Variants in CDK14 observed in about 807,000 individuals in gnomAD.
The protein encoded by CDK14 is cyclin-dependent kinase 14.
CDK14 carries 34 observed loss-of-function variants against 60.7 expected under a neutral mutation model. The ratio of observed to expected loss-of-function variants is 0.56; its 90% CI spans 0.43 to 0.75. The LOEUF is 0.75. Among genes scored for constraint, CDK14 ranks in the 30% least tolerant of loss-of-function variants. CDK14 has a pLI of 0.00. For synonymous variants in CDK14, 197 were observed against 203.7 expected, an observed-to-expected ratio of 0.97 and a Z score of 0.28; for missense variants, 482 against 564.1, an observed-to-expected ratio of 0.85 and a Z score of 1.47.
chr7:90,856,247 A>G (rs1790812710), intron 5 of CDK14, among the ~76,000 whole-genome samples: 1 of 152,114 alleles, frequency 6.6e-6, no homozygotes, highest in Non-Finnish European at 1.5e-5. Flanking sequence ...TTTTAACCTT[A>G]CGTTTAGAGT....
intron 10 of CDK14, among the ~76,000 whole-genome samples, chr7:91,022,452 G>C (rs963035520): frequency 8.5e-5 from 13 of 152,130 alleles, no homozygotes; most frequent in African/African-American, 2.9e-4. Flanking sequence ...AATATCTTCA[G>C]TATATTTTAC....
chr7:90,625,775 T>C (rs1388820673), intron 2 of CDK14, among the ~76,000 whole-genome samples: 1 of 152,174 alleles, frequency 6.6e-6, no homozygotes, highest in Non-Finnish European at 1.5e-5. Context: ...ATGGGATTGT[T>C]CCCCCGGCCA....
chr7:90,729,309 TACTGG>T (rs1802758981), intron 3 of CDK14, among the ~76,000 whole-genome samples: 1 of 148,166 alleles, frequency 6.7e-6, no homozygotes, highest in African/African-American at 2.4e-5. Flanking sequence ...ACTTATTTCT[TACTGG>T]CTTATGCCTT....
chr7:90,991,510 A>G (rs1274900725), intron 10 of CDK14, among the ~76,000 whole-genome samples: 4 of 152,010 alleles, frequency 2.6e-5, no homozygotes, highest in Non-Finnish European at 5.9e-5. Context: ...GAAAAAGAAA[A>G]TCACTCCCTG....
At chr7:90,703,355 C>T (rs1801830146) in intron 2 of CDK14, among the ~76,000 whole-genome samples, 1 of 152,158 alleles carries the variant, frequency 6.6e-6, no homozygotes, top group South Asian at 2.1e-4. Flanking sequence ...GGATCTTCTC[C>T]ATGCTACACA....
At chr7:90,750,153 A>AACAC (rs3138824) in intron 4 of CDK14, among the ~76,000 whole-genome samples, 1,448 of 131,380 alleles carry the variant, frequency 0.011, 7 homozygotes, top group African/African-American at 0.015. Context: ...GGGGAAAGAA[A>AACAC]ACACACACAC....
intron 11 of CDK14, among the ~76,000 whole-genome samples, chr7:91,077,734 T>G (rs1000784707): frequency 3.7e-5 from 4 of 109,528 alleles, no homozygotes; most frequent in African/African-American, 1.5e-4. Context: ...TATACTTATT[T>G]CACTTTTATA....
At chr7:90,651,030 C>A (rs1452036314) in intron 2 of CDK14, among the ~76,000 whole-genome samples, 2 of 152,130 alleles carry the variant, frequency 1.3e-5, no homozygotes, top group African/African-American at 2.4e-5. Flanking sequence ...GGCATTGAAT[C>A]TATAAATTAC....
chr7:90,852,765 G>GC (rs1414903756), intron 5 of CDK14, among the ~76,000 whole-genome samples: 1 of 151,998 alleles, frequency 6.6e-6, no homozygotes. Context: ...GGCAGAGCTC[G>GC]CTCAGGGCTG....
chr7:90,636,807 T>C (rs1220878296), intron 2 of CDK14, among the ~76,000 whole-genome samples: 1 of 152,242 alleles, frequency 6.6e-6, no homozygotes, highest in Non-Finnish European at 1.5e-5. Context: ...TGCCGCAATT[T>C]TGGATCCTGT....
chr7:90,742,704 G>A (rs933662892), intron 3 of CDK14, among the ~76,000 whole-genome samples: 2 of 151,432 alleles, frequency 1.3e-5, no homozygotes, highest in African/African-American at 4.8e-5. Context: ...TTATGTATTG[G>A]TTTGGCTGCA....
chr7:90,765,767 AGT>A (rs2116875128), intron 4 of CDK14, among the ~76,000 whole-genome samples: 1 of 152,264 alleles, frequency 6.6e-6, no homozygotes, highest in Non-Finnish European at 1.5e-5. Flanking sequence ...AAAGGGGAGA[AGT>A]GTTTTGTGTT....
At chr7:91,000,490 G>T (rs533655720) in intron 10 of CDK14, among the ~76,000 whole-genome samples, 1 of 152,298 alleles carries the variant, frequency 6.6e-6, no homozygotes, top group Admixed American at 6.5e-5. Flanking sequence ...TTATAACATT[G>T]GGATAGGATT....
chr7:90,726,796 A>G lies in CDK14; in HGVS notation c.353A>G (p.His118Arg), dbSNP rs187133761. ...AAAGAGTCACCTAAAGTTAGGCGGC[A>G]CTCCAGCCCCAGCTCGGTAAGTGCA... The part of the protein sequence containing the change: ...TGKESPKVRR[H>R]SSPSSPTSPK... Residue 118 changes from histidine (H) to arginine (R), a missense_variant, in exon 3 of 15, where the codon CAC (histidine) becomes CGC (arginine). By Grantham distance (29) the His-to-Arg change is conservative. Coordinates refer to ENST00000380050, the MANE Select transcript of CDK14 (RefSeq NM_001287135.2). The G allele has an allele frequency of 6.2e-7, 1 of 1,613,520 alleles. No homozygotes were observed. Among genetic ancestry groups the G allele is most frequent in the Admixed American group, 1.7e-5 (1 of 59,944 alleles).
chr7:90,734,356 G>T (rs1802998002), intron 3 of CDK14, among the ~76,000 whole-genome samples: 1 of 152,152 alleles, frequency 6.6e-6, no homozygotes, highest in South Asian at 2.1e-4. Context: ...ATGTTGTCCT[G>T]CCTTGCTAGG....
chr7:90,641,488 G>T (rs1800331094), intron 2 of CDK14, among the ~76,000 whole-genome samples: 1 of 152,152 alleles, frequency 6.6e-6, no homozygotes, highest in Admixed American at 6.5e-5. Flanking sequence ...AGTGAACTTT[G>T]ATAACATTAT....
chr7:90,767,579 G>C (rs902958589), intron 4 of CDK14, among the ~76,000 whole-genome samples: 27 of 152,044 alleles, frequency 1.8e-4, no homozygotes, highest in African/African-American at 6.5e-4. Context: ...TTTTGGACAA[G>C]GTTTTCTATT....
At chr7:90,972,869 A>C (rs910223528) in intron 9 of CDK14, among the ~76,000 whole-genome samples, 9 of 152,206 alleles carry the variant, frequency 5.9e-5, no homozygotes, top group Non-Finnish European at 1.0e-4. Flanking sequence ...AGCAGCATCA[A>C]CATGGCTTGG....
At chr7:91,198,448 A>G (rs1802620158) in intron 14 of CDK14, among the ~76,000 whole-genome samples, 1 of 152,228 alleles carries the variant, frequency 6.6e-6, no homozygotes, top group South Asian at 2.1e-4. Context: ...AGATTGTACA[A>G]TAAACAGTTA....
Sources: allele counts gnomAD v4.1 joint callset (sites outside exome capture counted in the v4.1 genomes callset), GRCh38; gene constraint gnomAD v4.1.1; transcripts MANE v1.5; gene names NCBI Gene and HGNC (gene_info 2026-07-23, HGNC 2026-07-21).